The following CCSER1 variants were observed in gnomAD, a reference collection of about 807,000 sequenced individuals.
The protein encoded by CCSER1 is coiled-coil serine rich protein 1.
In CCSER1, 41 loss-of-function variants were observed where a neutral mutation model predicts 82.0. The observed-to-expected ratio is 0.50, with a 90% CI of 0.39 to 0.65. The LOEUF is 0.65. Among genes scored for constraint, CCSER1 ranks in the 30% least tolerant of loss-of-function variants. The pLI, the probability that CCSER1 is intolerant of heterozygous loss-of-function variation, is 0.00. For missense variants in CCSER1, 1,119 were observed against 1,064.2 expected, an observed-to-expected ratio of 1.05 and a Z score of -0.72; for synonymous variants, 414 against 383.9, an observed-to-expected ratio of 1.08 and a Z score of -0.92.
chr4:90,700,928 T>C (rs1737966011), intron 6 of CCSER1, among the ~76,000 whole-genome samples: 1 of 152,328 alleles, frequency 6.6e-6, no homozygotes, highest in South Asian at 2.1e-4. Flanking sequence ...TCCCATTCTG[T>C]AGGTTGCCTG....
chr4:90,652,226 A>G lies in CCSER1; in HGVS notation c.1932+23994A>G, dbSNP rs959470588. 1.3e-5 allele frequency among the ~76,000 whole-genome samples: 2 copies of G among 152,198 alleles called. 1 individual carries two copies. Among genetic ancestry groups the G allele is most frequent in the Admixed American group, 1.3e-4 (2 of 15,280 alleles). ...ACTTCCTAAATATTTAAATGTAATA[A>G]AAACACTTAGGAATATAATTTTTGT... On this transcript the variant is annotated intron_variant, in intron 6 of 10. Coordinates refer to ENST00000509176, the MANE Select transcript of CCSER1 (RefSeq NM_001145065.2).
intron 3 of CCSER1, among the ~76,000 whole-genome samples, chr4:90,344,295 C>A (rs1741942104): frequency 6.6e-6 from 1 of 152,108 alleles, no homozygotes. Flanking sequence ...CCTAAATATT[C>A]TTGACATACA....
chr4:90,266,595 T>C (rs1413588358), intron 1 of CCSER1, among the ~76,000 whole-genome samples: 1 of 152,146 alleles, frequency 6.6e-6, no homozygotes, highest in Non-Finnish European at 1.5e-5. Flanking sequence ...CTTGAATTGC[T>C]GATGCCACCC....
chr4:90,930,939 T>TATATATATATATAC (rs749253663), intron 9 of CCSER1, among the ~76,000 whole-genome samples: 15 of 135,090 alleles, frequency 1.1e-4, no homozygotes, highest in South Asian at 4.6e-4. Context: ...TATATATATA[T>TATATATATATATAC]ACACATGACA....
At chr4:90,387,759 A>C (rs181044646) in intron 3 of CCSER1, among the ~76,000 whole-genome samples, 12 of 152,268 alleles carry the variant, frequency 7.9e-5, no homozygotes, top group Non-Finnish European at 1.3e-4. Context: ...CCAGGAGGGT[A>C]ATAGGTCCTG....
intron 6 of CCSER1, among the ~76,000 whole-genome samples, chr4:90,657,183 A>G (rs1306071074): frequency 6.6e-6 from 1 of 152,094 alleles, no homozygotes; most frequent in Non-Finnish European, 1.5e-5. Context: ...TTCCTTAAAA[A>G]GCCACCTATA....
chr4:90,648,284 G>GGAAAGAAAGAAAGAAAGAAAGAAA (rs564907502), intron 6 of CCSER1, among the ~76,000 whole-genome samples: 6 of 89,954 alleles, frequency 6.7e-5, no homozygotes, highest in South Asian at 3.7e-4. Context: ...GAGAAAGAAA[G>GGAAAGAAAGAAAGAAAGAAAGAAA]GAAAGAAAGA....
At chr4:91,275,062 C>T (rs1028523690) in intron 10 of CCSER1, among the ~76,000 whole-genome samples, 9 of 151,690 alleles carry the variant, frequency 5.9e-5, no homozygotes, top group South Asian at 4.2e-4. Context: ...GCCGAGATCG[C>T]GCCACTGCAC....
intron 10 of CCSER1, among the ~76,000 whole-genome samples, chr4:91,334,408 AATATTC>A (rs376228695): frequency 3.0e-4 from 45 of 152,170 alleles, no homozygotes; most frequent in African/African-American, 9.6e-4. Context: ...AGTTCATTAA[AATATTC>A]AGTAAATATC....
chr4:91,462,541 G>A (rs756396784), intron 10 of CCSER1, among the ~76,000 whole-genome samples: 3 of 152,080 alleles, frequency 2.0e-5, no homozygotes, highest in Non-Finnish European at 4.4e-5. Flanking sequence ...CACCGAGTGT[G>A]AGCCAAAGCA....
chr4:90,170,781 G>C (rs1417099021), intron 1 of CCSER1, among the ~76,000 whole-genome samples: 2 of 151,590 alleles, frequency 1.3e-5, no homozygotes, highest in Non-Finnish European at 2.9e-5. Flanking sequence ...TGGACATTTA[G>C]TTTGCTTACA....
intron 3 of CCSER1, among the ~76,000 whole-genome samples, chr4:90,330,389 G>C (rs2153495191): frequency 6.6e-6 from 1 of 152,246 alleles, no homozygotes; most frequent in Non-Finnish European, 1.5e-5. Flanking sequence ...AATACAAATA[G>C]TGATTTTAAA....
At chr4:91,266,476 C>T (rs577247842) in intron 10 of CCSER1, among the ~76,000 whole-genome samples, 425 of 152,130 alleles carry the variant, frequency 2.8e-3, no homozygotes, top group Non-Finnish European at 5.2e-3. Context: ...TGGTCTCGAT[C>T]TCCTGATGTC....
chr4:90,531,001 C>T (rs1000321686), intron 5 of CCSER1, among the ~76,000 whole-genome samples: 5 of 152,114 alleles, frequency 3.3e-5, no homozygotes, highest in African/African-American at 1.2e-4. Context: ...TCCTTAAAAA[C>T]AGATTTGTTG....
At chr4:90,297,317 T>A (rs1385009909) in intron 1 of CCSER1, among the ~76,000 whole-genome samples, 1 of 149,410 alleles carries the variant, frequency 6.7e-6, no homozygotes, top group Non-Finnish European at 1.5e-5. Flanking sequence ...TGTATAAGAA[T>A]GCTTGTGATT....
At chr4:91,322,156 CACTGA>C (rs1455188618) in intron 10 of CCSER1, among the ~76,000 whole-genome samples, 2 of 152,012 alleles carry the variant, frequency 1.3e-5, no homozygotes, top group Non-Finnish European at 2.9e-5. Context: ...GTTAAAAATC[CACTGA>C]ATTATATTGA....
At chr4:91,347,597 A>G (rs1367850508) in intron 10 of CCSER1, among the ~76,000 whole-genome samples, 2 of 151,294 alleles carry the variant, frequency 1.3e-5, no homozygotes, top group African/African-American at 4.9e-5. Context: ...ATTCTTATAC[A>G]TGTAGATAGA....
chr4:90,275,512 A>G (rs548034512), intron 1 of CCSER1, among the ~76,000 whole-genome samples: 25 of 152,276 alleles, frequency 1.6e-4, no homozygotes, highest in African/African-American at 5.8e-4. Context: ...ACTTTTGGTG[A>G]TAACATTTTA....
At chr4:91,357,382 G>A (rs1748916758) in intron 10 of CCSER1, among the ~76,000 whole-genome samples, 2 of 152,192 alleles carry the variant, frequency 1.3e-5, no homozygotes, top group East Asian at 3.9e-4. Flanking sequence ...TTTTGTTAAA[G>A]AGCAGGTTGA....
Sources: gnomAD v4.1 joint callset for allele counts (sites outside exome capture counted in the v4.1 genomes callset) on GRCh38, gnomAD v4.1.1 for gene constraint, MANE v1.5 for transcripts, NCBI Gene and HGNC (gene_info 2026-07-23, HGNC 2026-07-21) for gene names.